Variants in GDA observed in about 807,000 individuals in gnomAD.
GDA encodes guanine deaminase, also known as cytoplasmic PSD-95 interactor.
In GDA, 18 loss-of-function variants were observed where a neutral mutation model predicts 59.6. That is an observed-to-expected ratio of 0.30 (90% CI 0.21 to 0.45). The LOEUF (loss-of-function observed/expected upper bound fraction) is 0.45. GDA is among the 20% of genes least tolerant of loss of function. The probability of loss-of-function intolerance (pLI) is 1.00; values close to 1 mark genes in which losing one functional copy is unlikely to be tolerated. For synonymous variants in GDA, 201 were observed against 201.1 expected (o/e 1.00, Z 0.00); for missense variants, 427 against 552.3 (o/e 0.77, Z 2.27).
At position 72,241,167 on chromosome 9, in the gene GDA, A is replaced by G. The variant is rs780359611; in HGVS notation, c.1004A>G (p.Tyr335Cys). 2.3e-5 allele frequency: 37 copies of G among 1,600,352 alleles called. No individual in the cohort carries two copies. Among genetic ancestry groups the G allele is most frequent in the Middle Eastern group, 3.3e-4 (2 of 6,026 alleles). Residue 335 changes from tyrosine to cysteine, a missense_variant, in exon 11 of 14, where the codon TAT becomes TGT. By Grantham distance (194) the Tyr-to-Cys change is radical (BLOSUM62 -2). Coordinates refer to ENST00000358399, the MANE Select transcript of GDA (RefSeq NM_004293.5). ...IGLGTDVAGG[Y>C]SYSMLDAIRR... ...CCTACTGCAGACGTGGCTGGTGGCT[A>G]TTCATATTCCATGCTTGATGCAATC...
At chr9:72,196,138 T>C (rs1833145218) in intron 2 of GDA, among the ~76,000 whole-genome samples, 1 of 151,666 alleles carries the variant, frequency 6.6e-6, no homozygotes, top group Non-Finnish European at 1.5e-5. Context: ...ATATTCGTTA[T>C]ATTTCATATA....
intron 1 of GDA, among the ~76,000 whole-genome samples, chr9:72,116,253 A>C (rs1465737684): frequency 6.6e-6 from 1 of 152,086 alleles, no homozygotes; most frequent in Non-Finnish European, 1.5e-5. Context: ...AATTTATGAA[A>C]TATGTTCCTT....
chr9:72,196,965 C>G (rs1833270101), intron 2 of GDA, among the ~76,000 whole-genome samples: 1 of 152,094 alleles, frequency 6.6e-6, no homozygotes, highest in Admixed American at 6.5e-5. Context: ...TTGTTTCAGG[C>G]CAAGTAAGTT....
intron 1 of GDA, among the ~76,000 whole-genome samples, chr9:72,133,287 T>TAAAAAAA (rs1257876460): frequency 6.3e-5 from 6 of 95,520 alleles, no homozygotes; most frequent in Non-Finnish European, 1.2e-4. Flanking sequence ...AGACTCTGTC[T>TAAAAAAA]AAAAAAAAAA....
At chr9:72,183,563 AGTGTCTAATGGCC>A (rs1301316219) in intron 1 of GDA, among the ~76,000 whole-genome samples, 3 of 152,202 alleles carry the variant, frequency 2.0e-5, no homozygotes, top group Non-Finnish European at 4.4e-5. Flanking sequence ...TACATAACGT[AGTGTCTAATGGCC>A]GTTAGCCTGT....
intron 3 of GDA, 138 bp downstream of exon 3, chr9:72,202,880 A>G (rs1000952962): frequency 1.7e-5 from 9 of 522,906 alleles, no homozygotes; most frequent in Non-Finnish European, 2.6e-5. Context: ...TTTCTTTTTC[A>G]CAGTCCAGTG....
At chr9:72,135,453 T>G (rs967673813) in intron 1 of GDA, among the ~76,000 whole-genome samples, 1 of 152,172 alleles carries the variant, frequency 6.6e-6, no homozygotes, top group Non-Finnish European at 1.5e-5. Context: ...CAAGATCACA[T>G]AGTCATAAGT....
At chr9:72,235,384 A>T (rs373792656) in intron 10 of GDA, among the ~76,000 whole-genome samples, 1 of 152,212 alleles carries the variant, frequency 6.6e-6, no homozygotes. Context: ...AAAAAATAAT[A>T]TATGCTCTGC....
At chr9:72,183,347 A>G (rs1323799853) in intron 1 of GDA, among the ~76,000 whole-genome samples, 1 of 151,822 alleles carries the variant, frequency 6.6e-6, no homozygotes, top group African/African-American at 2.4e-5. Flanking sequence ...CACTTCTCCA[A>G]CCCCAGTTCC....
At chr9:72,181,473 C>T (rs1289164253) in intron 1 of GDA, among the ~76,000 whole-genome samples, 3 of 152,030 alleles carry the variant, frequency 2.0e-5, no homozygotes, top group East Asian at 3.9e-4. Flanking sequence ...TACAAGCGCC[C>T]GCCACCATGC....
At position 72,123,922 on chromosome 9, in the gene GDA, G is replaced by A. The variant is rs147126002; in HGVS notation, c.-100+9089G>A. On this transcript the variant is annotated intron_variant, in intron 1 of 13. Transcript: ENST00000545168. ...AAATTGCATCAAGCAATTGTTTTGC[G>A]TGAAAAACTCTGATTAAGTAGAAGA... is the stretch of plus-strand genomic sequence containing the variant. 2.8e-4 allele frequency among the ~76,000 whole-genome samples: 42 copies of A among 152,240 alleles called. No individual in the cohort carries two copies. In the East Asian group the frequency reaches 3.1e-3, roughly 11 times the overall value.
intron 1 of GDA, among the ~76,000 whole-genome samples, chr9:72,188,970 A>T (rs1308662026): frequency 6.6e-6 from 1 of 152,032 alleles, no homozygotes; most frequent in African/African-American, 2.4e-5. Flanking sequence ...TTTGGACTTA[A>T]TTGGAGTCTG....
At chr9:72,135,549 C>T (rs1484846686) in intron 1 of GDA, among the ~76,000 whole-genome samples, 1 of 152,076 alleles carries the variant, frequency 6.6e-6, no homozygotes, top group Non-Finnish European at 1.5e-5. Context: ...CACCTAACGG[C>T]ATCTATTACG....
At chr9:72,228,238 C>T (rs144489882) in intron 9 of GDA, 198 bp downstream of exon 9, 21 of 531,270 alleles carry the variant, frequency 4.0e-5, no homozygotes, top group African/African-American at 2.5e-4. Context: ...TCAGAGGACA[C>T]GTGAAGAGCA....
At chr9:72,259,617 A>C (rs1301196529), downstream of GDA, among the ~76,000 whole-genome samples, 1 of 152,144 alleles carries the variant, frequency 6.6e-6, no homozygotes, top group African/African-American at 2.4e-5. Context: ...ATGGTGTGTG[A>C]ATGCTTGAGA....
chr9:72,115,857 A>G (rs1435055475), intron 1 of GDA, among the ~76,000 whole-genome samples: 1 of 152,230 alleles, frequency 6.6e-6, no homozygotes, highest in Non-Finnish European at 1.5e-5. Context: ...GGGGAGATGC[A>G]AATGAGCAGA....
chr9:72,177,870 TG>T (rs1830721340), intron 1 of GDA, among the ~76,000 whole-genome samples: 1 of 152,246 alleles, frequency 6.6e-6, no homozygotes, highest in Non-Finnish European at 1.5e-5. Flanking sequence ...TTCCTCTGGC[TG>T]TAGACTTTAG....
intron 10 of GDA, among the ~76,000 whole-genome samples, chr9:72,232,175 G>T (rs776646901): frequency 1.1e-4 from 16 of 152,162 alleles, no homozygotes; most frequent in Non-Finnish European, 2.2e-4. Flanking sequence ...GTATGGGGCA[G>T]GAGGACGTGT....
At chr9:72,129,122 C>A (rs1201530948) in intron 1 of GDA, among the ~76,000 whole-genome samples, 1 of 152,104 alleles carries the variant, frequency 6.6e-6, no homozygotes, top group African/African-American at 2.4e-5. Flanking sequence ...GCCACCACAT[C>A]CCGCTAATTT....
Sources: allele counts gnomAD v4.1 joint callset (sites outside exome capture counted in the v4.1 genomes callset), GRCh38; gene constraint gnomAD v4.1.1; transcripts MANE v1.5; gene names NCBI Gene and HGNC (gene_info 2026-07-23, HGNC 2026-07-21).